The following GNAO1 variants were observed in gnomAD, a reference collection of about 807,000 sequenced individuals.
GNAO1 encodes guanine nucleotide-binding protein G(o) subunit alpha.
For synonymous variants in GNAO1, 164 were observed against 180.7 expected (o/e 0.91, Z 0.74); for missense variants, 166 against 478.7 (o/e 0.35, Z 6.10).
rs914996333 is a variant in GNAO1, at chr16:56,336,518, T to C, written c.594-213T>C. 7.5e-6 allele frequency: 4 copies of C among 533,708 alleles called. No individual in the cohort carries two copies. In the Admixed American group the frequency reaches 1.3e-4, roughly 18 times the overall value. The allele number at this position is 533,708 out of a possible 1,614,324, so 33.1% of individuals were successfully genotyped here. A position where few individuals can be genotyped will look rare whatever the true frequency, so the allele number is the denominator to read the frequency against. ...AGTCATGATCTGTGAGCACAGCCAG[T>C]CCCAGGACAGACTCCAGGGGTAGTG... On this transcript the variant is annotated intron_variant, in intron 5 of 8. Transcript: ENST00000262493.
At chr16:56,254,146 T>G (rs552249939) in intron 2 of GNAO1, among the ~76,000 whole-genome samples, 1 of 152,326 alleles carries the variant, frequency 6.6e-6, no homozygotes, top group Middle Eastern at 3.4e-3. Context: ...TGTAAGTGAT[T>G]CAGGTCCCAA....
chr16:56,349,173 C>T (rs2037899633), intron 6 of GNAO1, among the ~76,000 whole-genome samples: 1 of 152,204 alleles, frequency 6.6e-6, no homozygotes, highest in African/African-American at 2.4e-5. Context: ...CTTGATTTCT[C>T]CTCCACACCT....
chr16:56,225,917 C>T (rs1340196419), intron 2 of GNAO1, among the ~76,000 whole-genome samples: 2 of 151,952 alleles, frequency 1.3e-5, no homozygotes, highest in African/African-American at 4.8e-5. Context: ...AATGAAATCT[C>T]AGCCAGGATG....
chr16:56,336,450 C>T (rs1567489160), intron 5 of GNAO1: 1 of 320,200 alleles, frequency 3.1e-6, no homozygotes, highest in East Asian at 6.7e-5. Context: ...CTCAGGTGCG[C>T]CCTCTTAGTA....
chr16:56,293,755 G>A (rs563843233), intron 3 of GNAO1, among the ~76,000 whole-genome samples: 3 of 152,142 alleles, frequency 2.0e-5, no homozygotes, highest in Non-Finnish European at 4.4e-5. Context: ...ATATCAGGTT[G>A]GGGAAAGCGA....
chr16:56,332,890 G>A (rs1448716957), intron 4 of GNAO1, among the ~76,000 whole-genome samples: 8 of 152,268 alleles, frequency 5.3e-5, no homozygotes, highest in African/African-American at 9.6e-5. Context: ...GGTCATGGGC[G>A]CCAGGGCGGG....
At chr16:56,245,679 G>A (rs2036737117) in intron 2 of GNAO1, 1 of 154,462 alleles carries the variant, frequency 6.5e-6, no homozygotes, top group Non-Finnish European at 1.5e-5. Flanking sequence ...TTGGGTACAA[G>A]AAGCCCAAGG....
chr16:56,213,242 C>A (rs138995698), intron 2 of GNAO1: 1 of 398,478 alleles, frequency 2.5e-6, no homozygotes, highest in East Asian at 3.6e-5. Flanking sequence ...GTTATTCTTT[C>A]TTTCTTCTTT....
intron 2 of GNAO1, among the ~76,000 whole-genome samples, chr16:56,272,949 G>C (rs1319964406): frequency 6.6e-6 from 1 of 152,154 alleles, no homozygotes; most frequent in Non-Finnish European, 1.5e-5. Context: ...AATCCTGCCT[G>C]CACCACTCAG....
At chr16:56,298,348 G>A (rs991232010) in intron 3 of GNAO1, among the ~76,000 whole-genome samples, 18 of 152,226 alleles carry the variant, frequency 1.2e-4, no homozygotes, top group Admixed American at 7.8e-4. Context: ...CAAACCAGGC[G>A]CATGCAGAGA....
chr16:56,352,844 A>G (rs1467740391), intron 7 of GNAO1: 4 of 152,286 alleles, frequency 2.6e-5, no homozygotes, highest in Non-Finnish European at 2.9e-5. Context: ...TCTCCAGCAA[A>G]GTCCCAATAG....
In GNAO1 at chr16:56,307,953, G is replaced by A. The variant is rs537649374; in HGVS notation, c.304-20678G>A. The A allele has an allele frequency of 3.3e-5, 5 of 152,358 alleles. No individual in the cohort carries two copies. In the East Asian group the frequency reaches 5.8e-4, roughly 18 times the overall value. The allele number at this position is 152,358 out of a possible 1,614,324, so 9.4% of individuals were successfully genotyped here. A position where few individuals can be genotyped will look rare whatever the true frequency, so the allele number is the denominator to read the frequency against. ...CTGTGGCGCCATTGAAAGACTCAGC[G>A]GTGGATGAGAGGGAGATTAGGAGGC... On this transcript the variant is annotated intron_variant, in intron 3 of 8. Transcript: ENST00000262493.
At chr16:56,238,865 C>T (rs1472657893) in intron 2 of GNAO1, among the ~76,000 whole-genome samples, 1 of 152,190 alleles carries the variant, frequency 6.6e-6, no homozygotes, top group Non-Finnish European at 1.5e-5. Flanking sequence ...ATATATGTTT[C>T]TAGACTTCTT....
chr16:56,292,186 T>C (rs1257064441), intron 3 of GNAO1, among the ~76,000 whole-genome samples: 1 of 152,158 alleles, frequency 6.6e-6, no homozygotes, highest in Admixed American at 6.5e-5. Flanking sequence ...TGGGGGCTTC[T>C]AAGGCTGTGT....
At chr16:56,303,741 G>A (rs1484082323) in intron 3 of GNAO1, among the ~76,000 whole-genome samples, 1 of 152,106 alleles carries the variant, frequency 6.6e-6, no homozygotes, top group Admixed American at 6.5e-5. Context: ...CCCAGCTCTT[G>A]TCCCCGGCAG....
chr16:56,344,062 C>A, intron 6 of GNAO1: 1 of 1,507,178 alleles, frequency 6.6e-7, no homozygotes, highest in South Asian at 1.3e-5. Context: ...AAGAAGACCT[C>A]AGAGGCTGGC....
intron 2 of GNAO1, among the ~76,000 whole-genome samples, chr16:56,210,338 C>T (rs190811133): frequency 6.6e-6 from 1 of 152,260 alleles, no homozygotes; most frequent in Admixed American, 6.5e-5. Context: ...TGGTTGCTTC[C>T]AAGTTTTGGG....
At chr16:56,306,509 A>G (rs553447993) in intron 3 of GNAO1, among the ~76,000 whole-genome samples, 1 of 152,058 alleles carries the variant, frequency 6.6e-6, no homozygotes, top group South Asian at 2.1e-4. Flanking sequence ...TGTCCCCAAG[A>G]CCCCTGAGAT....
At chr16:56,231,550 A>G (rs1379538796) in intron 2 of GNAO1, among the ~76,000 whole-genome samples, 1 of 151,960 alleles carries the variant, frequency 6.6e-6, no homozygotes, top group African/African-American at 2.4e-5. Context: ...GTGAGCGGGG[A>G]TTAGAGAGAG....
Sources: allele counts gnomAD v4.1 joint callset (sites outside exome capture counted in the v4.1 genomes callset), GRCh38; gene constraint gnomAD v4.1.1; transcripts MANE v1.5; gene names NCBI Gene and HGNC (gene_info 2026-07-23, HGNC 2026-07-21).